CLIP2: variants seen among roughly 807,000 people sequenced by gnomAD.
CLIP2 encodes the protein CAP-Gly domain containing linker protein 2.
A neutral mutation model predicts 111.7 loss-of-function variants in CLIP2; 41 were observed. That is an observed-to-expected ratio of 0.37 (90% CI 0.29 to 0.48). The LOEUF is 0.48. CLIP2 is among the 20% of genes least tolerant of loss of function. CLIP2 has a pLI of 0.99. For synonymous variants in CLIP2, 660 were observed against 644.2 expected, an observed-to-expected ratio of 1.02 and a Z score of -0.37; for missense variants, 1,160 against 1,422.1, an observed-to-expected ratio of 0.82 and a Z score of 2.96.
intron 2 of CLIP2, among the ~76,000 whole-genome samples, chr7:74,330,261 T>G (rs1789241898): frequency 6.7e-6 from 1 of 150,054 alleles, no homozygotes; most frequent in South Asian, 2.1e-4. Flanking sequence ...TTTTTTTTTT[T>G]TCTTTCTTTT....
chr7:74,396,203 G>A (rs562461400), intron 13 of CLIP2, among the ~76,000 whole-genome samples: 72 of 152,246 alleles, frequency 4.7e-4, no homozygotes, highest in Non-Finnish European at 8.7e-4. Context: ...AGTACTCCAG[G>A]TAGATCCTGT....
intron 1 of CLIP2, among the ~76,000 whole-genome samples, chr7:74,298,356 GTTTT>G (rs35535113): frequency 9.1e-6 from 1 of 109,624 alleles, no homozygotes; most frequent in Non-Finnish European, 1.9e-5. Flanking sequence ...CTGCTAATTG[GTTTT>G]TTTTTTTTTT....
At position 74,321,622 on chromosome 7, in the gene CLIP2, C is replaced by T. The variant is rs192418853; in HGVS notation, c.121+3955C>T. Among the ~76,000 whole-genome samples, 270 of 152,142 alleles carry T rather than the reference C, an allele frequency of 1.8e-3. 1 individual carries two copies. The highest frequency in any genetic ancestry group is 6.1e-3 in the African/African-American group (254 of 41,518). On this transcript the variant is annotated intron_variant, in intron 2 of 16. Coordinates refer to ENST00000223398, the MANE Select transcript of CLIP2 (RefSeq NM_003388.5). ...TAGCTGGGATTACAGGCGCCCGCCA[C>T]CACGCCAGGCTAATTTTTTGTATTT...
intron 9 of CLIP2, among the ~76,000 whole-genome samples, chr7:74,374,643 C>A (rs956072063): frequency 8.5e-5 from 13 of 152,058 alleles, no homozygotes; most frequent in Non-Finnish European, 1.6e-4. Flanking sequence ...ATCATTTGAA[C>A]CGGGGAGGTG....
chr7:74,364,524 G>A (rs1232951709), intron 8 of CLIP2, among the ~76,000 whole-genome samples: 1 of 152,218 alleles, frequency 6.6e-6, no homozygotes, highest in Non-Finnish European at 1.5e-5. Flanking sequence ...CCCCGTGTCA[G>A]CAGCTGGATG....
At chr7:74,399,143 G>A (rs1414695198) in intron 14 of CLIP2, among the ~76,000 whole-genome samples, 3 of 152,216 alleles carry the variant, frequency 2.0e-5, no homozygotes, top group Non-Finnish European at 2.9e-5. Flanking sequence ...GTGCAGGAGC[G>A]AGGAGGCTGG....
At position 74,375,941 on chromosome 7, in the gene CLIP2, C is replaced by T. The variant is rs374399582; in HGVS notation, c.1540C>T (p.Leu514=). The T allele has an allele frequency of 5.9e-5, 95 of 1,600,356 alleles. 3 individuals carry two copies. The East Asian group carries it at 1.7e-3, about 29-fold the overall frequency. Residue 514 remains leucine (L), a synonymous_variant, in exon 10 of 17, where the codon CTG becomes TTG. Transcript: ENST00000223398. ...GCTGCAGCTGGAGGAGGAGCTCACCCTGCGCCGAGGTGAAATCGAGGAGCT... is the reference window on the plus strand; with the variant it reads ...GCTGCAGCTGGAGGAGGAGCTCACCTTGCGCCGAGGTGAAATCGAGGAGCT... ...RVLQLEEELT[L]RRGEIEELQQ...
chr7:74,372,836 CTCTCTT>C, intron 8 of CLIP2, 90 bp from the exon 9 acceptor site: 1 of 648,608 alleles, frequency 1.5e-6, no homozygotes, highest in Non-Finnish European at 2.6e-6. Flanking sequence ...CTCTCTCTCT[CTCTCTT>C]TCTCTCTCTC....
At chr7:74,336,059 T>C (rs1789446541) in intron 2 of CLIP2, among the ~76,000 whole-genome samples, 1 of 151,562 alleles carries the variant, frequency 6.6e-6, no homozygotes, top group African/African-American at 2.4e-5. Flanking sequence ...TTTTCTCTTT[T>C]TTCTTTTCTA....
intron 1 of CLIP2, among the ~76,000 whole-genome samples, chr7:74,292,403 T>A (rs66820390): frequency 6.6e-6 from 1 of 152,042 alleles, no homozygotes; most frequent in Non-Finnish European, 1.5e-5. Context: ...CTGAGCTTTT[T>A]TGAGACAGCA....
In CLIP2 at chr7:74,327,732, G is replaced by C. The variant is rs190792502; in HGVS notation, c.121+10065G>C. Among the ~76,000 whole-genome samples the C allele has an allele frequency of 3.3e-5, 5 of 152,254 alleles. No homozygotes were observed. The East Asian group carries it at 9.7e-4, about 29-fold the overall frequency. On this transcript the variant is annotated intron_variant, in intron 2 of 16. Transcript: ENST00000223398. ...CTCTTCTGTGGCTGGTGGGGGTGGG[G>C]GCAGGGCTGCCTCCTAATGTCCCTG...
chr7:74,297,608 C>T (rs1396363469), intron 1 of CLIP2, among the ~76,000 whole-genome samples: 3 of 152,104 alleles, frequency 2.0e-5, no homozygotes, highest in African/African-American at 7.2e-5. Flanking sequence ...TTTGTGGGAC[C>T]TACCCCTGGG....
At chr7:74,348,348 A>C (rs180835687) in intron 3 of CLIP2, among the ~76,000 whole-genome samples, 384 of 152,208 alleles carry the variant, frequency 2.5e-3, no homozygotes, top group South Asian at 4.4e-3. Flanking sequence ...GGATGGAAAA[A>C]GGCTCACATC....
intron 8 of CLIP2, among the ~76,000 whole-genome samples, chr7:74,371,900 G>A (rs567734614): frequency 2.0e-5 from 3 of 152,230 alleles, no homozygotes; most frequent in South Asian, 2.1e-4. Context: ...GGTGATGTCC[G>A]TTTACACCTT....
In CLIP2 at chr7:74,390,350, A is replaced by G. The variant is rs998908455; in HGVS notation, c.2720+1091A>G. Among the ~76,000 whole-genome samples the G allele has an allele frequency of 2.0e-5, 3 of 152,174 alleles. 1 individual carries two copies. Among genetic ancestry groups the G allele is most frequent in the Admixed American group, 2.0e-4 (3 of 15,264 alleles). ...TACCATATTAGAATTAAGACTGAAA[A>G]AGTGTAAGATACGAATCCATCTTAA... On this transcript the variant is annotated intron_variant, in intron 13 of 16. Transcript: ENST00000223398.
At chr7:74,397,280 G>A (rs782436127) in intron 14 of CLIP2, 47 bp downstream of exon 14, 5 of 1,584,814 alleles carry the variant, frequency 3.2e-6, no homozygotes, top group East Asian at 4.5e-5. Context: ...TAGTCCGGGT[G>A]GGGCTGGGCT....
chr7:74,313,226 G>C (rs575440679), intron 1 of CLIP2, among the ~76,000 whole-genome samples: 55 of 152,008 alleles, frequency 3.6e-4, no homozygotes, highest in South Asian at 1.0e-3. Flanking sequence ...CTACTCGGGA[G>C]CCTGGGAGGT....
chr7:74,362,965 C>T (rs1032312303), intron 7 of CLIP2, among the ~76,000 whole-genome samples: 4 of 151,588 alleles, frequency 2.6e-5, no homozygotes, highest in Admixed American at 6.6e-5. Context: ...ATTGCTATGC[C>T]GAGAGCTGTT....
chr7:74,378,483 T>C (rs1245720915), intron 10 of CLIP2, among the ~76,000 whole-genome samples: 2 of 152,130 alleles, frequency 1.3e-5, no homozygotes, highest in African/African-American at 2.4e-5. Context: ...CTCACACCTA[T>C]AATTCCAGCA....
Sources: allele counts gnomAD v4.1 joint callset (sites outside exome capture counted in the v4.1 genomes callset), GRCh38; gene constraint gnomAD v4.1.1; transcripts MANE v1.5; gene names NCBI Gene and HGNC (gene_info 2026-07-23, HGNC 2026-07-21).